GCLC: variants seen among roughly 807,000 people sequenced by gnomAD.
GCLC encodes glutamate--cysteine ligase catalytic subunit.
Under a neutral mutation model 81.5 loss-of-function variants are expected in GCLC, and 30 were observed. That is an observed-to-expected ratio of 0.37 (90% CI 0.28 to 0.50). The LOEUF (loss-of-function observed/expected upper bound fraction) is 0.50, where lower values mean the gene tolerates loss of function less well. GCLC is among the 20% of genes least tolerant of loss of function. The probability of loss-of-function intolerance (pLI) is 0.96; values close to 1 mark genes in which losing one functional copy is unlikely to be tolerated. For missense variants in GCLC, 556 were observed against 777.4 expected (o/e 0.72, Z 3.39); for synonymous variants, 262 against 273.3 (o/e 0.96, Z 0.41).
At chr6:53,521,846 C>T (rs1323320579) in intron 2 of GCLC, among the ~76,000 whole-genome samples, 3 of 152,054 alleles carry the variant, frequency 2.0e-5, no homozygotes, top group Non-Finnish European at 4.4e-5. Flanking sequence ...TGGTGGCGGG[C>T]GCCTGTAGTC....
chr6:53,544,720 A>AGCCGCCCGCAGAAGGCGGCT lies in GCLC; in HGVS notation c.-95_-76dup. On this transcript the variant is annotated 5_prime_UTR_variant, in exon 1 of 16. Transcript: ENST00000650454. Reference sequence around the variant, plus strand: ...CGCTCCGGGCGCGAGACGGACACTCAGCCGCCCGCAGAAGGCGGCTGCCGC... The same window carrying AGCCGCCCGCAGAAGGCGGCT: ...CGCTCCGGGCGCGAGACGGACACTCAGCCGCCCGCAGAAGGCGGCTGCCGCCCGCAGAAGGCGGCTGCCGC... 6.3e-6 allele frequency: 9 copies of AGCCGCCCGCAGAAGGCGGCT among 1,419,692 alleles called. No homozygotes were observed. The highest frequency in any genetic ancestry group is 7.5e-6 in the Non-Finnish European group (8 of 1,063,198). The allele number at this position is 1,419,692 out of a possible 1,614,324, so 87.9% of individuals were successfully genotyped here.
rs772127291 is a variant in GCLC, at chr6:53,498,805, G to A, written c.1865C>T (p.Ala622Val). 1.2e-6 allele frequency: 2 copies of A among 1,613,268 alleles called. No homozygotes were observed. The highest frequency in any genetic ancestry group is 3.3e-5 in the Admixed American group (2 of 60,014). Residue 622 changes from alanine (A) to valine (V), a missense_variant, in exon 16 of 16, where the codon GCA (alanine) becomes GTA (valine). By Grantham distance (64) the Ala-to-Val change is moderately conservative. Transcript: ENST00000650454. ...TCCACTATATTTTACTTTCCTAAAT[G>A]CTGATCCAAGTAACTCTGGGCATTC... The part of the protein sequence containing the change: ...LCECPELLGS[A>V]FRKVKYSGSK...
rs939518506 is a variant in GCLC at position 53,497,451 on chromosome 6, G to T, written c.*1305C>A. 1 of 152,066 alleles carries T rather than the reference G, an allele frequency of 6.6e-6. No homozygotes were observed. The highest frequency in any genetic ancestry group is 1.5e-5 in the Non-Finnish European group (1 of 68,020). The allele number at this position is 152,066 out of a possible 1,614,324, so 9.4% of individuals were successfully genotyped here. Reference sequence around the variant, plus strand: ...ACAAGCAAATTGCAAACGAAAACCAGGCATTCTTTAATCATCCAAAATGCA... The same window carrying T: ...ACAAGCAAATTGCAAACGAAAACCATGCATTCTTTAATCATCCAAAATGCA... On this transcript the variant is annotated 3_prime_UTR_variant, in exon 16 of 16. Transcript: ENST00000650454.
chr6:53,511,523 C>T (rs900696906), intron 6 of GCLC, among the ~76,000 whole-genome samples: 4 of 151,974 alleles, frequency 2.6e-5, no homozygotes, highest in Non-Finnish European at 5.9e-5. Flanking sequence ...ATACATAATT[C>T]GTAGGTGAAT....
intron 8 of GCLC, 89 bp from the exon 9 acceptor site, chr6:53,507,707 C>A (rs1275919429): frequency 9.1e-6 from 5 of 549,134 alleles, no homozygotes; most frequent in South Asian, 3.3e-5. Context: ...AAAACCTCAA[C>A]ATAAGATACA....
At chr6:53,532,387 G>A (rs998026659) in intron 1 of GCLC, among the ~76,000 whole-genome samples, 4 of 152,208 alleles carry the variant, frequency 2.6e-5, no homozygotes, top group African/African-American at 9.7e-5. Flanking sequence ...AGCGATCTGC[G>A]TATAGGCCTC....
chr6:53,503,807 A>G (rs1764559926), intron 12 of GCLC, among the ~76,000 whole-genome samples: 1 of 152,174 alleles, frequency 6.6e-6, no homozygotes, highest in South Asian at 2.1e-4. Flanking sequence ...CAAACATTGA[A>G]TTTTCCAGAG....
chr6:53,544,821 C>T lies in GCLC; in HGVS notation c.-176G>A, dbSNP rs1201501232. The T allele has an allele frequency of 1.9e-6, 1 of 514,280 alleles. No individual in the cohort carries two copies. The highest frequency in any genetic ancestry group is 3.8e-5 in the East Asian group (1 of 26,598). The allele number at this position is 514,280 out of a possible 1,614,324, so 31.9% of individuals were successfully genotyped here. The stretch of plus-strand genomic sequence containing the variant: ...GCCCGCTCCGGCTCCCCGGCGGCGG[C>T]CCCTGGCGCCCAGGTGACAGACCCT... On this transcript the variant is annotated 5_prime_UTR_variant, in exon 1 of 16. Transcript: ENST00000650454.
In GCLC at chr6:53,541,527, C is replaced by T. The variant is rs377454161; in HGVS notation, c.150+2969G>A. ...ATTTAAAATAATAAAAAATGAGCAG[C>T]GGGTTATGCTTTTCTTCTAAGATGA... On this transcript the variant is annotated intron_variant, in intron 1 of 15. Transcript: ENST00000650454. 3.3e-5 allele frequency among the ~76,000 whole-genome samples: 5 copies of T among 151,730 alleles called. No individual in the cohort carries two copies. The South Asian group carries it at 6.3e-4, about 19-fold the overall frequency.
intron 3 of GCLC, among the ~76,000 whole-genome samples, chr6:53,517,469 C>T (rs1762896734): frequency 6.6e-6 from 1 of 151,952 alleles, no homozygotes; most frequent in Admixed American, 6.6e-5. Context: ...CCAAATCCAC[C>T]TTGTAAACAA....
chr6:53,510,775 T>G (rs1056948687), intron 6 of GCLC, among the ~76,000 whole-genome samples: 1 of 152,222 alleles, frequency 6.6e-6, no homozygotes, highest in African/African-American at 2.4e-5. Context: ...TATTGGAGAC[T>G]CAAGTTTGCC....
In GCLC at chr6:53,544,713, G is replaced by A; in HGVS notation, c.-68C>T. On this transcript the variant is annotated 5_prime_UTR_variant, in exon 1 of 16. Coordinates refer to ENST00000650454, the MANE Select transcript of GCLC (RefSeq NM_001498.4). ...GGTCGCCCGCTCCGGGCGCGAGACG[G>A]ACACTCAGCCGCCCGCAGAAGGCGG... is the stretch of plus-strand genomic sequence containing the variant. The A allele has an allele frequency of 6.8e-7, 1 of 1,469,952 alleles. No homozygotes were observed. Among genetic ancestry groups the A allele is most frequent in the Non-Finnish European group, 9.1e-7 (1 of 1,097,398 alleles). The allele number at this position is 1,469,952 out of a possible 1,614,324, so 91.1% of individuals were successfully genotyped here. A position where few individuals can be genotyped will look rare whatever the true frequency, so the allele number is the denominator to read the frequency against.
intron 11 of GCLC, 25 bp downstream of exon 11, chr6:53,505,778 G>C: frequency 7.4e-7 from 1 of 1,347,798 alleles, no homozygotes; most frequent in Non-Finnish European, 1.1e-6. Context: ...TTTTGAGTCA[G>C]TTCTTGCTGA....
intron 1 of GCLC, among the ~76,000 whole-genome samples, chr6:53,542,522 G>A (rs984337110): frequency 1.3e-5 from 2 of 151,038 alleles, no homozygotes; most frequent in African/African-American, 4.9e-5. Flanking sequence ...TAAGATTAAG[G>A]ATTCCTGGAG....
At chr6:53,537,015 G>A (rs1300080833) in intron 1 of GCLC, among the ~76,000 whole-genome samples, 2 of 152,204 alleles carry the variant, frequency 1.3e-5, no homozygotes, top group African/African-American at 4.8e-5. Flanking sequence ...CCTATTCACT[G>A]CATTTACAAC....
At chr6:53,525,911 G>A (rs1555906) in intron 1 of GCLC, among the ~76,000 whole-genome samples, 45,493 of 151,978 alleles carry the variant, frequency 0.3, 7,119 homozygotes, top group Admixed American at 0.44. Context: ...ATAAAAAAAT[G>A]CCTGACCACT....
At chr6:53,522,572 GT>G (rs1353278875) in intron 1 of GCLC, 45 bp from the exon 2 acceptor site, 1 of 1,224,404 alleles carries the variant, frequency 8.2e-7, no homozygotes, top group East Asian at 2.3e-5. Context: ...TTCCAGACTT[GT>G]TTTCAGTGTG....
intron 6 of GCLC, 84 bp from the exon 7 acceptor site, chr6:53,509,334 G>A: frequency 1.2e-6 from 1 of 811,186 alleles, no homozygotes. Flanking sequence ...GAAGGTGCTG[G>A]GCAGAGAGGG....
intron 3 of GCLC, among the ~76,000 whole-genome samples, chr6:53,517,439 A>T: frequency 6.6e-6 from 1 of 151,866 alleles, no homozygotes; most frequent in Non-Finnish European, 1.5e-5. Flanking sequence ...TTAATATAAA[A>T]TAAAGTATCT....
Sources: allele counts gnomAD v4.1 joint callset (sites outside exome capture counted in the v4.1 genomes callset), GRCh38; gene constraint gnomAD v4.1.1; transcripts MANE v1.5; gene names NCBI Gene and HGNC (gene_info 2026-07-23, HGNC 2026-07-21).